The following SLC9B2 variants were observed in gnomAD, a reference collection of about 807,000 sequenced individuals.
The protein encoded by SLC9B2 is solute carrier family 9 member B2.
In SLC9B2, 39 loss-of-function variants were observed where a neutral mutation model predicts 52.2. That is an observed-to-expected ratio of 0.75 (90% confidence interval 0.58 to 0.98). SLC9B2 has a LOEUF of 0.98. SLC9B2 is among the 50% of genes least tolerant of loss of function. The pLI is 0.00. For synonymous variants in SLC9B2, 214 were observed against 227.0 expected (o/e 0.94, Z 0.51); for missense variants, 626 against 637.5 (o/e 0.98, Z 0.19).
intron 3 of SLC9B2, among the ~76,000 whole-genome samples, chr4:103,065,178 A>ATG (rs1458823851): frequency 1.3e-3 from 106 of 83,786 alleles, no homozygotes; most frequent in East Asian, 2.6e-3. Context: ...ATGTACACAC[A>ATG]CGCACACACA....
intron 9 of SLC9B2, among the ~76,000 whole-genome samples, chr4:103,039,693 G>A (rs768600386): frequency 8.8e-5 from 13 of 148,224 alleles, no homozygotes; most frequent in Non-Finnish European, 1.9e-4. Context: ...TGTCGCCCAG[G>A]GTGGAGTGCA....
chr4:103,048,917 G>A lies in SLC9B2; in HGVS notation c.689C>T (p.Pro230Leu). Reference protein sequence around the residue: ...ALLAHYLLGLPWQWGFILGFV... With the variant: ...ALLAHYLLGLLWQWGFILGFV... ...CCCCAGTATAAATCCCCATTGCCAT[G>A]GTAAACCCAGCAGGTAATGGGCAAG... Residue 230 changes from proline to leucine, a missense_variant, in exon 6 of 12, where the codon CCA becomes CTA. Pro to Leu is a moderately conservative substitution (Grantham distance 98). Coordinates refer to ENST00000394785, the MANE Select transcript of SLC9B2 (RefSeq NM_178833.7). The A allele has an allele frequency of 6.2e-7, 1 of 1,613,820 alleles. No homozygotes were observed. Among genetic ancestry groups the A allele is most frequent in the Non-Finnish European group, 8.5e-7 (1 of 1,179,820 alleles).
chr4:103,068,748 T>A (rs993813314), intron 1 of SLC9B2, among the ~76,000 whole-genome samples: 1 of 152,152 alleles, frequency 6.6e-6, no homozygotes, highest in Non-Finnish European at 1.5e-5. Flanking sequence ...ACTACAAACT[T>A]GTGGTAGAAT....
chr4:103,039,809 G>A (rs1743482896), intron 9 of SLC9B2, among the ~76,000 whole-genome samples: 1 of 151,806 alleles, frequency 6.6e-6, no homozygotes, highest in Non-Finnish European at 1.5e-5. Context: ...ACCATGCCCG[G>A]CTAATTTTTT....
At chr4:103,019,383 G>A (rs111861822), downstream of SLC9B2, among the ~76,000 whole-genome samples, 282 of 152,354 alleles carry the variant, frequency 1.9e-3, 5 homozygotes, top group African/African-American at 6.6e-3. Context: ...ACAAACAAGA[G>A]AGATGTGGGA....
Position 103,022,546 on chromosome 4 carries a change from T to C in SLC9B2, c.*3824A>G, listed in dbSNP as rs1179733807. ...TTTCTGTGTTCTAAATTTTTTGCAA[T>C]GAAAATGTGTTACTTTATAATCAGA... On this transcript the variant is annotated 3_prime_UTR_variant, in exon 12 of 12. Transcript: ENST00000394785. Among the ~76,000 whole-genome samples, 3 of 152,220 alleles carry C rather than the reference T, an allele frequency of 2.0e-5. No individual in the cohort carries two copies. The highest frequency in any genetic ancestry group is 4.4e-5 in the Non-Finnish European group (3 of 68,034).
At chr4:103,059,173 T>C (rs764977125) in intron 3 of SLC9B2, among the ~76,000 whole-genome samples, 1 of 152,170 alleles carries the variant, frequency 6.6e-6, no homozygotes, top group Non-Finnish European at 1.5e-5. Flanking sequence ...CACTCAAAAC[T>C]GGTGGCCAAA....
chr4:103,057,682 T>G, intron 4 of SLC9B2, 119 bp downstream of exon 4: 1 of 1,111,992 alleles, frequency 9.0e-7, no homozygotes, highest in Non-Finnish European at 1.3e-6. Context: ...ACAACTGGCT[T>G]TTGGCTCCAG....
At chr4:103,057,708 A>T in intron 4 of SLC9B2, 93 bp downstream of exon 4, 1 of 1,388,402 alleles carries the variant, frequency 7.2e-7, no homozygotes, top group East Asian at 2.5e-5. Context: ...CAAATACAGA[A>T]ATATTTTATT....
At chr4:103,052,240 A>C (rs2110625158) in intron 4 of SLC9B2, among the ~76,000 whole-genome samples, 1 of 152,294 alleles carries the variant, frequency 6.6e-6, no homozygotes, top group East Asian at 1.9e-4. Flanking sequence ...CACAACCTAG[A>C]TTCCTTGAAT....
In SLC9B2 at chr4:103,024,214, G is replaced by T. The variant is rs1299979466; in HGVS notation, c.*2156C>A. Among the ~76,000 whole-genome samples, 2 of 152,174 alleles carry T rather than the reference G, an allele frequency of 1.3e-5. No homozygotes were observed. Among genetic ancestry groups the T allele is most frequent in the African/African-American group, 4.8e-5 (2 of 41,442 alleles). The stretch of plus-strand genomic sequence containing the variant: ...CAGGGACAATATTATTCTTGATGAT[G>T]TGCCTGGATCTCAAAAGCTTTCAGT... On this transcript the variant is annotated 3_prime_UTR_variant, in exon 12 of 12. Coordinates refer to ENST00000394785, the MANE Select transcript of SLC9B2 (RefSeq NM_178833.7).
downstream of SLC9B2, among the ~76,000 whole-genome samples, chr4:103,020,553 G>C (rs1164188701): frequency 6.6e-6 from 1 of 152,104 alleles, no homozygotes; most frequent in Non-Finnish European, 1.5e-5. Flanking sequence ...CTCTACCGGA[G>C]TGTTCTTTTT....
chr4:103,026,406 A>T lies in SLC9B2; in HGVS notation c.1578T>A (p.Asp526Glu). 6.2e-7 allele frequency: 1 copy of T among 1,613,498 alleles called. No individual in the cohort carries two copies. Among genetic ancestry groups the T allele is most frequent in the South Asian group, 1.1e-5 (1 of 91,010 alleles). ...LLQKVEHQNK[D>E]EEVQGETSVQ... is the part of the protein sequence containing the mutation. ...CAGAAGTCTCTCCTTGAACTTCTTCATCTTTATTTTGATGTTCAACTTTCT... is the reference window on the plus strand; with the variant it reads ...CAGAAGTCTCTCCTTGAACTTCTTCTTCTTTATTTTGATGTTCAACTTTCT... Residue 526 changes from aspartate to glutamate, a missense_variant, in exon 12 of 12, where the codon GAT becomes GAA. Coordinates refer to ENST00000394785, the MANE Select transcript of SLC9B2 (RefSeq NM_178833.7).
intron 2 of SLC9B2, among the ~76,000 whole-genome samples, chr4:103,066,894 C>T (rs1328504708): frequency 6.6e-6 from 1 of 151,576 alleles, no homozygotes; most frequent in Non-Finnish European, 1.5e-5. Flanking sequence ...ATAAAATTAC[C>T]TTCGGATTAC....
chr4:103,055,816 T>C (rs896984722), intron 4 of SLC9B2, among the ~76,000 whole-genome samples: 10 of 151,382 alleles, frequency 6.6e-5, no homozygotes, highest in Admixed American at 5.9e-4. Flanking sequence ...TTTTTTTTTT[T>C]TTTTTGAGGC....
intron 9 of SLC9B2, among the ~76,000 whole-genome samples, chr4:103,034,200 C>T (rs1742953519): frequency 6.6e-6 from 1 of 152,088 alleles, no homozygotes; most frequent in African/African-American, 2.4e-5. Context: ...AAACAAGCAA[C>T]TGGTAAAGGA....
chr4:103,057,996 T>A (rs780157006), intron 3 of SLC9B2, 25 bp from the exon 4 acceptor site: 5 of 1,583,950 alleles, frequency 3.2e-6, no homozygotes, highest in Non-Finnish European at 4.3e-6. Flanking sequence ...GAATACTAGT[T>A]ACTATCAATA....
intron 3 of SLC9B2, 81 bp downstream of exon 3, chr4:103,066,246 T>C: frequency 6.8e-7 from 1 of 1,474,516 alleles, no homozygotes; most frequent in South Asian, 1.3e-5. Context: ...AACTTCTTTT[T>C]GTCCTTTCAA....
chr4:103,042,143 A>G (rs565068939), intron 9 of SLC9B2: 1 of 152,158 alleles, frequency 6.6e-6, no homozygotes, highest in African/African-American at 2.4e-5. Flanking sequence ...AATGCTGTCT[A>G]TGGAAGATCC....
Sources: gnomAD v4.1 joint callset for allele counts (sites outside exome capture counted in the v4.1 genomes callset) on GRCh38, gnomAD v4.1.1 for gene constraint, MANE v1.5 for transcripts, NCBI Gene and HGNC (gene_info 2026-07-23, HGNC 2026-07-21) for gene names.